Variants in FTO observed in about 807,000 individuals in gnomAD.
FTO encodes alpha-ketoglutarate-dependent dioxygenase FTO.
Under a neutral mutation model 63.9 loss-of-function variants are expected in FTO, and 47 were observed. The observed-to-expected ratio is 0.74, with a 90% CI of 0.58 to 0.94. The LOEUF (loss-of-function observed/expected upper bound fraction) is 0.94, where lower values mean the gene tolerates loss of function less well. FTO is among the 40% of genes least tolerant of loss of function. FTO has a pLI of 0.00. For synonymous variants in FTO, 207 were observed against 224.4 expected, an observed-to-expected ratio of 0.92 and a Z score of 0.69; for missense variants, 562 against 618.1, an observed-to-expected ratio of 0.91 and a Z score of 0.96.
At chr16:53,802,835 T>C (rs1433207398) in intron 1 of FTO, among the ~76,000 whole-genome samples, 1 of 152,240 alleles carries the variant, frequency 6.6e-6, no homozygotes, top group Non-Finnish European at 1.5e-5. Context: ...TGTGTTGAAT[T>C]ATTATTATCC....
intron 8 of FTO, chr16:54,013,397 T>C (rs2084370981): frequency 6.6e-6 from 1 of 151,352 alleles, no homozygotes; most frequent in Middle Eastern, 3.4e-3. Flanking sequence ...TTGGTGAAGA[T>C]ACTGTGAACA....
At chr16:54,057,099 C>T (rs2085453838) in intron 8 of FTO, among the ~76,000 whole-genome samples, 1 of 152,162 alleles carries the variant, frequency 6.6e-6, no homozygotes, top group Non-Finnish European at 1.5e-5. Context: ...AGCAGGCATA[C>T]AAAGGAGGAA....
At chr16:53,790,724 T>A (rs896789138) in intron 1 of FTO, among the ~76,000 whole-genome samples, 5 of 152,010 alleles carry the variant, frequency 3.3e-5, no homozygotes, top group African/African-American at 1.2e-4. Context: ...GTTTCAAATA[T>A]AGGTTTGGAA....
At chr16:53,932,775 G>A (rs144673064) in intron 7 of FTO, among the ~76,000 whole-genome samples, 2,129 of 152,226 alleles carry the variant, frequency 0.014, 41 homozygotes, top group African/African-American at 0.049. Context: ...ATCTGGCCTC[G>A]GAAAGTTCTG....
chr16:53,779,272 G>A (rs549508189), intron 1 of FTO, among the ~76,000 whole-genome samples: 27 of 151,654 alleles, frequency 1.8e-4, no homozygotes, highest in Non-Finnish European at 2.6e-4. Context: ...TGGGTGGTTG[G>A]GGCACATCAT....
At chr16:53,900,923 A>C (rs1176793550) in intron 7 of FTO, among the ~76,000 whole-genome samples, 1 of 152,204 alleles carries the variant, frequency 6.6e-6, no homozygotes, top group African/African-American at 2.4e-5. Context: ...TAGGAAGATT[A>C]GCAAGGACCT....
At chr16:54,051,720 A>G (rs2085316907) in intron 8 of FTO, among the ~76,000 whole-genome samples, 1 of 152,194 alleles carries the variant, frequency 6.6e-6, no homozygotes, top group Non-Finnish European at 1.5e-5. Flanking sequence ...CTTTATATCA[A>G]TACTTCATTT....
chr16:53,851,285 T>TG (rs1482657310), intron 4 of FTO, among the ~76,000 whole-genome samples: 1 of 103,302 alleles, frequency 9.7e-6, no homozygotes, highest in Non-Finnish European at 2.1e-5. Context: ...CCACCTCTAC[T>TG]AAAAAAAAAA....
At chr16:53,787,146 A>G (rs2077768618) in intron 1 of FTO, among the ~76,000 whole-genome samples, 1 of 148,538 alleles carries the variant, frequency 6.7e-6, no homozygotes, top group African/African-American at 2.5e-5. Flanking sequence ...AAAAAAAGAA[A>G]AAGAAACACC....
intron 1 of FTO, among the ~76,000 whole-genome samples, chr16:53,725,513 TA>T (rs1023974331): frequency 5.3e-5 from 8 of 152,356 alleles, no homozygotes; most frequent in Admixed American, 3.9e-4. Context: ...CCATAATTTC[TA>T]TTTTTTGCCT....
intron 8 of FTO, among the ~76,000 whole-genome samples, chr16:54,096,215 G>A (rs1217579170): frequency 6.6e-6 from 1 of 152,216 alleles, no homozygotes; most frequent in African/African-American, 2.4e-5. Context: ...TGACCCAGCG[G>A]CATAGATATT....
At chr16:54,082,732 G>T (rs114313145) in intron 8 of FTO, among the ~76,000 whole-genome samples, 1,553 of 152,272 alleles carry the variant, frequency 0.01, 30 homozygotes, top group African/African-American at 0.035. Context: ...AAAACTTTGA[G>T]ATAGGAGGGA....
At position 54,095,621 on chromosome 16, in the gene FTO, G is replaced by A. The variant is rs574213861; in HGVS notation, c.1365-16141G>A. Among the ~76,000 whole-genome samples the A allele has an allele frequency of 7.9e-4, 120 of 152,274 alleles. 1 individual carries two copies. Among genetic ancestry groups the A allele is most frequent in the Admixed American group, 1.9e-3 (29 of 15,284 alleles). ...TGACAGGGAAAGGGAGCAACGTCCA[G>A]CTAAAATCTCACACTTCCCAGTGAC... On this transcript the variant is annotated intron_variant, in intron 8 of 8. Coordinates refer to ENST00000471389, the MANE Select transcript of FTO (RefSeq NM_001080432.3).
At chr16:53,933,934 T>TA in intron 7 of FTO, 51 bp from the exon 8 acceptor site, 2 of 1,578,368 alleles carry the variant, frequency 1.3e-6, no homozygotes, top group Non-Finnish European at 8.7e-7. Context: ...GGCTTTTTTT[T>TA]ATTATTAATT....
intron 8 of FTO, among the ~76,000 whole-genome samples, chr16:54,060,881 C>T (rs2085553586): frequency 1.3e-5 from 2 of 152,186 alleles, no homozygotes; most frequent in Middle Eastern, 3.2e-3. Context: ...CTATCCTTCC[C>T]AGACATAAAT....
chr16:53,943,234 T>C lies in FTO; in HGVS notation c.1364+9125T>C, dbSNP rs548958530. On this transcript the variant is annotated intron_variant, in intron 8 of 8. Coordinates refer to ENST00000471389, the MANE Select transcript of FTO (RefSeq NM_001080432.3). ...GAGTCTAGAGATAGGGTTACTTTTT[T>C]CCCCCAAGATACAGCAACTTATCTT... is the stretch of plus-strand genomic sequence containing the variant. Among the ~76,000 whole-genome samples the C allele has an allele frequency of 2.6e-4, 39 of 152,304 alleles. 1 individual carries two copies. The East Asian group carries it at 3.1e-3, about 12-fold the overall frequency.
chr16:54,119,644 CAG>C lies in FTO; in HGVS notation c.*7732_*7733del, dbSNP rs1381895125. ...TAGTTTTCTTTTCTCAAAATCAAAACAGAGTTTAGTAGGCAGCGTATTTCATA... is the reference window on the plus strand; with the variant it reads ...TAGTTTTCTTTTCTCAAAATCAAAACAGTTTAGTAGGCAGCGTATTTCATA... On this transcript the variant is annotated 3_prime_UTR_variant, in exon 9 of 9. Transcript: ENST00000471389. 1 of 151,748 alleles carries C rather than the reference CAG, an allele frequency of 6.6e-6. No individual in the cohort carries two copies. Among genetic ancestry groups the C allele is most frequent in the South Asian group, 2.1e-4 (1 of 4,736 alleles). The allele number at this position is 151,748 out of a possible 1,614,324, so 9.4% of individuals were successfully genotyped here. A position where few individuals can be genotyped will look rare whatever the true frequency, so the allele number is the denominator to read the frequency against.
intron 8 of FTO, among the ~76,000 whole-genome samples, chr16:54,006,680 G>T (rs748292289): frequency 2.0e-5 from 3 of 152,206 alleles, no homozygotes; most frequent in Non-Finnish European, 4.4e-5. Context: ...AGTAGATAAA[G>T]AGAGAGCTTT....
chr16:53,704,706 C>T (rs1288396867), intron 1 of FTO, among the ~76,000 whole-genome samples: 1 of 152,224 alleles, frequency 6.6e-6, no homozygotes, highest in Non-Finnish European at 1.5e-5. Context: ...TCTTTAACTA[C>T]ATTGCTCCTC....
Sources: allele counts gnomAD v4.1 joint callset (sites outside exome capture counted in the v4.1 genomes callset), GRCh38; gene constraint gnomAD v4.1.1; transcripts MANE v1.5; gene names NCBI Gene and HGNC (gene_info 2026-07-23, HGNC 2026-07-21).